ZFHX3: variants seen among roughly 807,000 people sequenced by gnomAD.
The protein encoded by ZFHX3 is zinc finger homeobox 3, also known as zinc finger homeobox protein 3.
Under a neutral mutation model 279.1 loss-of-function variants are expected in ZFHX3, and 42 were observed. The ratio of observed to expected loss-of-function variants is 0.15; its 90% confidence interval spans 0.12 to 0.19. ZFHX3 has a LOEUF of 0.19. Ranked by LOEUF, ZFHX3 falls within the 10% of genes least tolerant of loss-of-function variation. The probability of loss-of-function intolerance (pLI) is 1.00; values close to 1 mark genes in which losing one functional copy is unlikely to be tolerated. For missense variants in ZFHX3, 4,981 were observed against 4,754.0 expected (o/e 1.05, Z -1.40); for synonymous variants, 2,293 against 1,957.8 (o/e 1.17, Z -4.52).
At chr16:73,867,142 G>A (rs1962043918) in intron 1 of ZFHX3, among the ~76,000 whole-genome samples, 1 of 152,092 alleles carries the variant, frequency 6.6e-6, no homozygotes, top group Admixed American at 6.6e-5. Flanking sequence ...GGGGGCCAGA[G>A]GGCTTTGGGA....
At chr16:73,023,538 A>G (rs564189958) in intron 1 of ZFHX3, among the ~76,000 whole-genome samples, 1 of 152,206 alleles carries the variant, frequency 6.6e-6, no homozygotes, top group Non-Finnish European at 1.5e-5. Flanking sequence ...AGCAACAGCC[A>G]ATGCCCCCGG....
intron 3 of ZFHX3, among the ~76,000 whole-genome samples, chr16:73,350,437 T>G (rs932724536): frequency 6.6e-6 from 1 of 152,240 alleles, no homozygotes; most frequent in Admixed American, 6.5e-5. Context: ...GTTCATTTTA[T>G]GTGTCATTAA....
At chr16:73,247,371 T>C (rs1314227393) in intron 5 of ZFHX3, among the ~76,000 whole-genome samples, 3 of 152,108 alleles carry the variant, frequency 2.0e-5, no homozygotes, top group Admixed American at 2.0e-4. Context: ...TCTATGTGCC[T>C]GTATGTGGAG....
intron 1 of ZFHX3, among the ~76,000 whole-genome samples, chr16:73,822,528 A>T (rs890217997): frequency 1.2e-4 from 18 of 149,388 alleles, no homozygotes; most frequent in Admixed American, 2.0e-4. Flanking sequence ...TTTTTTTTTT[A>T]AATTTAAACC....
At chr16:73,563,170 TTGTG>T (rs200933190) in intron 2 of ZFHX3, among the ~76,000 whole-genome samples, 9,934 of 134,444 alleles carry the variant, frequency 0.074, 386 homozygotes, top group Middle Eastern at 0.12. Flanking sequence ...TTTTGTTTTG[TTGTG>T]TGTGTGTGTG....
exon 1 of ZFHX3, chr16:73,059,615 A>G (rs1965655476): frequency 6.7e-6 from 1 of 149,036 alleles, no homozygotes; most frequent in African/African-American, 2.5e-5. Flanking sequence ...TCTCCAAAGA[A>G]TGGGGGCATT....
intron 7 of ZFHX3, among the ~76,000 whole-genome samples, chr16:73,099,861 G>T (rs1966210375): frequency 6.6e-6 from 1 of 152,140 alleles, no homozygotes; most frequent in Non-Finnish European, 1.5e-5. Context: ...ATATGCATCA[G>T]CCATGCCTTG....
chr16:73,181,988 A>C (rs187164535), intron 5 of ZFHX3, among the ~76,000 whole-genome samples: 14 of 152,114 alleles, frequency 9.2e-5, no homozygotes, highest in African/African-American at 3.1e-4. Context: ...TTGTTTACTG[A>C]GTGGGAGCAC....
intron 1 of ZFHX3, among the ~76,000 whole-genome samples, chr16:73,037,512 GA>G (rs1201185302): frequency 6.6e-6 from 1 of 152,154 alleles, no homozygotes; most frequent in African/African-American, 2.4e-5. Context: ...GAGGCAACAG[GA>G]AAAAGCTGAC....
intron 3 of ZFHX3, among the ~76,000 whole-genome samples, chr16:73,324,332 G>C (rs1254122518): frequency 6.6e-6 from 1 of 152,158 alleles, no homozygotes; most frequent in Non-Finnish European, 1.5e-5. Flanking sequence ...GTTTTCTGCT[G>C]TAGGCTCATT....
intron 3 of ZFHX3, among the ~76,000 whole-genome samples, chr16:73,323,175 C>T (rs1250974448): frequency 6.6e-6 from 1 of 152,128 alleles, no homozygotes; most frequent in African/African-American, 2.4e-5. Flanking sequence ...AAAGGATGGC[C>T]TTTCAGGAGG....
At chr16:73,306,557 A>C (rs1028332318) in intron 4 of ZFHX3, among the ~76,000 whole-genome samples, 2 of 152,216 alleles carry the variant, frequency 1.3e-5, no homozygotes, top group Non-Finnish European at 2.9e-5. Context: ...TTCTGACCTC[A>C]AATGATCCAC....
intron 1 of ZFHX3, among the ~76,000 whole-genome samples, chr16:73,878,248 A>G (rs531619450): frequency 6.0e-4 from 92 of 152,298 alleles, no homozygotes; most frequent in African/African-American, 2.2e-3. Flanking sequence ...CATGAAAATC[A>G]TATTTATAAT....
chr16:73,362,828 A>C (rs1380995909), intron 3 of ZFHX3, among the ~76,000 whole-genome samples: 1 of 152,232 alleles, frequency 6.6e-6, no homozygotes, highest in Non-Finnish European at 1.5e-5. Context: ...CTAAAATAGC[A>C]AACAGAGTAC....
Position 73,682,916 on chromosome 16 carries a change from GAGAGAAAGAGAAAGAA to G in ZFHX3, c.-1607-2692_-1607-2677del, listed in dbSNP as rs1567550602. On this transcript the variant is annotated intron_variant, in intron 1 of 17. Coordinates refer to the ZFHX3 transcript ENST00000641206. ...AAAGAAAGAAAGAAAGAGAAAGAAA[GAGAGAAAGAGAAAGAA>G]AGAAAGAAAGAAAGAAAGAAAGAAA... is the stretch of plus-strand genomic sequence containing the variant. Among the ~76,000 whole-genome samples the G allele has an allele frequency of 1.9e-3, 56 of 29,874 alleles. 5 individuals carry two copies. The highest frequency in any genetic ancestry group is 2.4e-3 in the Non-Finnish European group (34 of 14,230). 19.6% of individuals were successfully genotyped at this position (29,874 alleles called of 152,430 possible). A position where few individuals can be genotyped will look rare whatever the true frequency, so the allele number is the denominator to read the frequency against.
chr16:72,793,842 T>C lies in ZFHX3; in HGVS notation c.8840A>G (p.Lys2947Arg), dbSNP rs2035797744. The C allele has an allele frequency of 1.9e-6, 3 of 1,614,156 alleles. No homozygotes were observed. Among genetic ancestry groups the C allele is most frequent in the Non-Finnish European group, 2.5e-6 (3 of 1,180,032 alleles). The change falls in exon 9 of 10, where the codon AAA becomes AGA. Residue 2947 changes from lysine to arginine, a missense_variant. Physicochemically the swap from Lys to Arg is conservative, Grantham distance 26. Coordinates refer to ENST00000268489, the MANE Select transcript of ZFHX3 (RefSeq NM_006885.4). The surrounding 1 kb of genome is among the most constrained non-coding windows in gnomAD (Gnocchi z 4.3). ...ATTGGTCATTTGAGTGCGAAAACGT[T>C]TCTGCCCAGGCCGATCTCCGCTGTC... Reference protein sequence around the residue: ...SGDSGDRPGQKRFRTQMTNLQ... With the variant: ...SGDSGDRPGQRRFRTQMTNLQ...
At chr16:72,910,210 G>A (rs1399184546) in intron 3 of ZFHX3, among the ~76,000 whole-genome samples, 1 of 152,184 alleles carries the variant, frequency 6.6e-6, no homozygotes, top group Non-Finnish European at 1.5e-5. Context: ...CGAACCTAGT[G>A]ATGGAATTAC....
chr16:72,832,454 A>G (rs548351588), intron 4 of ZFHX3, among the ~76,000 whole-genome samples: 1 of 152,294 alleles, frequency 6.6e-6, no homozygotes, highest in South Asian at 2.1e-4. Flanking sequence ...AGGATCAACG[A>G]AAGAGGTTAT....
intron 2 of ZFHX3, among the ~76,000 whole-genome samples, chr16:73,659,265 C>T (rs2052754589): frequency 6.6e-6 from 1 of 152,066 alleles, no homozygotes; most frequent in South Asian, 2.1e-4. Flanking sequence ...ATCTCTGCAG[C>T]CAAAAATGTA....
Sources: gnomAD v4.1 joint callset for allele counts (sites outside exome capture counted in the v4.1 genomes callset) on GRCh38, gnomAD v4.1.1 for gene constraint, Gnocchi (gnomAD v3.1) non-coding constraint, MANE v1.5 for transcripts, NCBI Gene and HGNC (gene_info 2026-07-23, HGNC 2026-07-21) for gene names.